The following HHAT variants were observed in gnomAD, a reference collection of about 807,000 sequenced individuals.
The protein encoded by HHAT is hedgehog acyltransferase, also known as protein-cysteine N-palmitoyltransferase HHAT.
Under a neutral mutation model 70.8 loss-of-function variants are expected in HHAT, and 47 were observed. The observed-to-expected ratio is 0.66, with a 90% CI of 0.53 to 0.85. The LOEUF (loss-of-function observed/expected upper bound fraction) is 0.85, where lower values mean the gene tolerates loss of function less well. Ranked by LOEUF, HHAT falls within the 40% of genes least tolerant of loss-of-function variation. The pLI, the probability that HHAT is intolerant of heterozygous loss-of-function variation, is 0.00. For synonymous variants in HHAT, 228 were observed against 247.6 expected, an observed-to-expected ratio of 0.92 and a Z score of 0.74; for missense variants, 609 against 604.8, an observed-to-expected ratio of 1.01 and a Z score of -0.07.
intron 7 of HHAT, among the ~76,000 whole-genome samples, chr1:210,432,904 A>G (rs990521723): frequency 5.9e-5 from 9 of 151,814 alleles, no homozygotes; most frequent in African/African-American, 2.2e-4. Flanking sequence ...CCCTGGTGGC[A>G]GCCTCTGATT....
intron 3 of HHAT, among the ~76,000 whole-genome samples, chr1:210,387,214 G>T (rs1391009712): frequency 6.6e-6 from 1 of 152,170 alleles, no homozygotes; most frequent in African/African-American, 2.4e-5. Flanking sequence ...TAGAAAGTCC[G>T]AGGTGCATTT....
At chr1:210,382,956 G>C (rs926563029) in intron 3 of HHAT, among the ~76,000 whole-genome samples, 1 of 152,150 alleles carries the variant, frequency 6.6e-6, no homozygotes, top group South Asian at 2.1e-4. Flanking sequence ...CCCTTACTAG[G>C]TTTGGATAAA....
intron 11 of HHAT, among the ~76,000 whole-genome samples, chr1:210,639,637 T>C (rs113873878): frequency 0.018 from 2,784 of 152,346 alleles, 42 homozygotes; most frequent in Middle Eastern, 0.061. Context: ...TGACACTCAC[T>C]CTTTCCTCCT....
At chr1:210,555,646 A>G (rs983841131) in intron 9 of HHAT, among the ~76,000 whole-genome samples, 5 of 152,260 alleles carry the variant, frequency 3.3e-5, no homozygotes, top group African/African-American at 1.2e-4. Flanking sequence ...ACTGTCCCTC[A>G]TAACTGTTAG....
intron 8 of HHAT, among the ~76,000 whole-genome samples, chr1:210,487,182 C>A (rs1201927543): frequency 6.6e-6 from 1 of 152,034 alleles, no homozygotes; most frequent in African/African-American, 2.4e-5. Context: ...GCTCAGACAG[C>A]AGAGCAGTAG....
At chr1:210,615,997 C>T (rs972158258) in intron 10 of HHAT, among the ~76,000 whole-genome samples, 24 of 152,312 alleles carry the variant, frequency 1.6e-4, no homozygotes, top group African/African-American at 5.8e-4. Flanking sequence ...CCATCTTCTG[C>T]TATACTCACG....
At chr1:210,335,450 T>C (rs1041974772) in intron 1 of HHAT, among the ~76,000 whole-genome samples, 2 of 152,198 alleles carry the variant, frequency 1.3e-5, no homozygotes, top group Admixed American at 1.3e-4. Flanking sequence ...AAATTTTTTC[T>C]TCAAAAATAG....
chr1:210,455,592 G>A (rs1000389226), intron 7 of HHAT, among the ~76,000 whole-genome samples: 1 of 152,046 alleles, frequency 6.6e-6, no homozygotes, highest in African/African-American at 2.4e-5. Flanking sequence ...CCCGATTCAA[G>A]TTCCGACCCT....
At position 210,386,222 on chromosome 1, in the gene HHAT, C is replaced by CTTTTTTCTTTTTTT. The variant is rs1558409107; in HGVS notation, c.160-1240_160-1239insCTTTTTTTTTTTTT. ...CAGTGGTCATTGCAGGAGTCCTTTTCTTTTTTTCTTTTTTTTTTTTTTTTT... is the reference window on the plus strand; with the variant it reads ...CAGTGGTCATTGCAGGAGTCCTTTTCTTTTTTCTTTTTTTTTTTTTTCTTTTTTTTTTTTTTTTT... On this transcript the variant is annotated intron_variant, in intron 3 of 11. Transcript: ENST00000261458. Among the ~76,000 whole-genome samples the CTTTTTTCTTTTTTT allele has an allele frequency of 1.1e-3, 76 of 69,880 alleles. 4 individuals carry two copies. Among genetic ancestry groups the CTTTTTTCTTTTTTT allele is most frequent in the African/African-American group, 3.9e-3 (73 of 18,754 alleles). 45.8% of individuals were successfully genotyped at this position (69,880 alleles called of 152,430 possible).
chr1:210,424,212 A>G (rs775005940), intron 7 of HHAT, among the ~76,000 whole-genome samples: 1 of 151,788 alleles, frequency 6.6e-6, no homozygotes, highest in Admixed American at 6.6e-5. Context: ...CAGTGTTCGT[A>G]TTTCTTTCGT....
chr1:210,593,044 G>A (rs1253401970), intron 10 of HHAT, among the ~76,000 whole-genome samples: 1 of 151,862 alleles, frequency 6.6e-6, no homozygotes, highest in Non-Finnish European at 1.5e-5. Context: ...CCCACCCCAC[G>A]ACAGACATGG....
In HHAT at chr1:210,588,076, A is replaced by T; in HGVS notation, c.1222A>T (p.Thr408Ser). ...VENGVRRLVE[T>S]PCIQDSLARY... Reference sequence around the variant, plus strand: ...GAATGGAGTCCGGAGGCTGGTGGAGACTCCCTGCATCCAGGACAGTCTGGT... The same window carrying T: ...GAATGGAGTCCGGAGGCTGGTGGAGTCTCCCTGCATCCAGGACAGTCTGGT... Residue 408 changes from threonine (T) to serine (S), a missense_variant, in exon 10 of 12, where the codon ACT (threonine) becomes TCT (serine). Coordinates refer to ENST00000261458, the MANE Select transcript of HHAT (RefSeq NM_018194.6). 6.2e-7 allele frequency: 1 copy of T among 1,608,796 alleles called. No homozygotes were observed. The highest frequency in any genetic ancestry group is 1.1e-5 in the South Asian group (1 of 90,436).
chr1:210,518,052 T>A (rs1255587692), intron 9 of HHAT, among the ~76,000 whole-genome samples: 1 of 152,212 alleles, frequency 6.6e-6, no homozygotes, highest in Non-Finnish European at 1.5e-5. Flanking sequence ...TCAGGTTAGT[T>A]AGCATATTGG....
Position 210,339,032 on chromosome 1 carries a change from G to A in HHAT, c.-43-9901G>A, listed in dbSNP as rs201712330. Among the ~76,000 whole-genome samples the A allele has an allele frequency of 1.6e-4, 25 of 152,082 alleles. 1 individual carries two copies. The East Asian group carries it at 4.6e-3, about 28-fold the overall frequency. ...GCATTCCAGCCTGGGTGACAGAGTGGGACCCTGTCTCAAAACAAAAACAAC... is the reference window on the plus strand; with the variant it reads ...GCATTCCAGCCTGGGTGACAGAGTGAGACCCTGTCTCAAAACAAAAACAAC... On this transcript the variant is annotated intron_variant, in intron 1 of 11. Coordinates refer to ENST00000261458, the MANE Select transcript of HHAT (RefSeq NM_018194.6).
chr1:210,669,087 AAAG>A (rs1211541969), intron 11 of HHAT, among the ~76,000 whole-genome samples: 1 of 152,122 alleles, frequency 6.6e-6, no homozygotes, highest in Non-Finnish European at 1.5e-5. Flanking sequence ...ATTACCTTTT[AAAG>A]AAGGTTTTTC....
intron 9 of HHAT, among the ~76,000 whole-genome samples, chr1:210,582,338 G>A (rs756340092): frequency 5.3e-5 from 8 of 152,112 alleles, no homozygotes; most frequent in African/African-American, 1.2e-4. Flanking sequence ...GCCCCAGCCC[G>A]GCCGAGGAAT....
chr1:210,330,694 G>A (rs554441121), intron 1 of HHAT, among the ~76,000 whole-genome samples: 1 of 152,336 alleles, frequency 6.6e-6, no homozygotes, highest in East Asian at 1.9e-4. Context: ...GGCCCAGGGG[G>A]AATGTTCCCT....
At chr1:210,633,850 C>A (rs898846214) in intron 11 of HHAT, among the ~76,000 whole-genome samples, 8 of 152,166 alleles carry the variant, frequency 5.3e-5, no homozygotes, top group Non-Finnish European at 5.9e-5. Context: ...GCCCACAGAG[C>A]CTCTCTGCGC....
chr1:210,452,257 A>C (rs909848372), intron 7 of HHAT, among the ~76,000 whole-genome samples: 1 of 152,270 alleles, frequency 6.6e-6, no homozygotes, highest in Admixed American at 6.5e-5. Context: ...ACAAAGGCTG[A>C]GCAAGGAGGT....
Sources: gnomAD v4.1 joint callset for allele counts (sites outside exome capture counted in the v4.1 genomes callset) on GRCh38, gnomAD v4.1.1 for gene constraint, MANE v1.5 for transcripts, NCBI Gene and HGNC (gene_info 2026-07-23, HGNC 2026-07-21) for gene names.